Variants in UGT1A8 observed in about 807,000 individuals in gnomAD.
UGT1A8 encodes the protein UDP glucuronosyltransferase family 1 member A8.
In UGT1A8, 39 loss-of-function variants were observed where a neutral mutation model predicts 45.3. That is an observed-to-expected ratio of 0.86 (90% CI 0.67 to 1.12). UGT1A8 has a LOEUF of 1.12. Ranked by LOEUF, UGT1A8 falls within the 50% of genes most tolerant of loss-of-function variation. The pLI, the probability that UGT1A8 is intolerant of heterozygous loss-of-function variation, is 0.00. For synonymous variants in UGT1A8, 275 were observed against 249.2 expected (o/e 1.10, Z -0.97); for missense variants, 719 against 664.9 (o/e 1.08, Z -0.90).
rs181646977 is a variant in UGT1A8 at position 233,637,283 on chromosome 2, G to A, written c.855+18721G>A. 1.2e-5 allele frequency: 20 copies of A among 1,613,904 alleles called. No individual in the cohort carries two copies. The East Asian group carries it at 1.3e-4, about 11-fold the overall frequency. The stretch of plus-strand genomic sequence containing the variant: ...AGTCACACATCAATTTGGTTGTTGC[G>A]AACGGACTTTGTTTTGGACTATCCC... On this transcript the variant is annotated intron_variant, in intron 1 of 4. Coordinates refer to ENST00000373450, the MANE Select transcript of UGT1A8 (RefSeq NM_019076.5).
rs186169024 is a variant in UGT1A8 at position 233,637,343 on chromosome 2, G to A, written c.855+18781G>A. On this transcript the variant is annotated intron_variant, in intron 1 of 4. Coordinates refer to ENST00000373450, the MANE Select transcript of UGT1A8 (RefSeq NM_019076.5). ...ATGCCCAACATGATCTTCATTGGTGGTATCAACTGTCATCAGGGAAAGCCA... is the reference window on the plus strand; with the variant it reads ...ATGCCCAACATGATCTTCATTGGTGATATCAACTGTCATCAGGGAAAGCCA... 10 of 1,613,826 alleles carry A rather than the reference G, an allele frequency of 6.2e-6. No individual in the cohort carries two copies. In the African/African-American group the frequency reaches 1.1e-4, roughly 17 times the overall value.
chr2:233,636,402 T>C, intron 1 of UGT1A8: 1 of 1,442,272 alleles, frequency 6.9e-7, no homozygotes. Flanking sequence ...GATTTTTTTT[T>C]TTTTATGAAA....
chr2:233,698,322 C>G (rs913677756), intron 1 of UGT1A8, among the ~76,000 whole-genome samples: 4 of 152,104 alleles, frequency 2.6e-5, no homozygotes, highest in African/African-American at 9.7e-5. Flanking sequence ...ATGTCTGGAA[C>G]CAGATAGAGG....
chr2:233,706,195 T>A lies in UGT1A8; in HGVS notation c.856-60839T>A, dbSNP rs189206835. Among the ~76,000 whole-genome samples the A allele has an allele frequency of 5.9e-5, 9 of 152,294 alleles. No individual in the cohort carries two copies. The East Asian group carries it at 1.7e-3, about 29-fold the overall frequency. ...GTGGTGTGTCTGCCCAGGCTGCTCCTCCACAAAGCTGGCCCAGGCAGGGGC... is the reference window on the plus strand; with the variant it reads ...GTGGTGTGTCTGCCCAGGCTGCTCCACCACAAAGCTGGCCCAGGCAGGGGC... On this transcript the variant is annotated intron_variant, in intron 1 of 4. Transcript: ENST00000373450.
chr2:233,699,722 A>G (rs2075519528), intron 1 of UGT1A8, among the ~76,000 whole-genome samples: 1 of 152,204 alleles, frequency 6.6e-6, no homozygotes, highest in African/African-American at 2.4e-5. Flanking sequence ...AGCATTTTTT[A>G]CGGAGCGTTT....
intron 1 of UGT1A8, among the ~76,000 whole-genome samples, chr2:233,738,676 G>T (rs1690872856): frequency 6.6e-6 from 1 of 152,190 alleles, no homozygotes; most frequent in African/African-American, 2.4e-5. Flanking sequence ...GAGATGATCT[G>T]AAATTGGAAC....
At chr2:233,755,060 C>G (rs747080554) in intron 1 of UGT1A8, 1 of 1,334,970 alleles carries the variant, frequency 7.5e-7, no homozygotes, top group South Asian at 1.1e-5. Context: ...CCGCCCTCGC[C>G]TCGCCATAGC....
chr2:233,679,841 A>T (rs2074463720), intron 1 of UGT1A8, among the ~76,000 whole-genome samples: 1 of 152,136 alleles, frequency 6.6e-6, no homozygotes, highest in Non-Finnish European at 1.5e-5. Flanking sequence ...TTTTTCTCAA[A>T]TCACATTGGC....
chr2:233,726,690 G>A (rs766630788), intron 1 of UGT1A8, among the ~76,000 whole-genome samples: 3 of 152,094 alleles, frequency 2.0e-5, no homozygotes, highest in Admixed American at 6.5e-5. Context: ...CACCTGTAAC[G>A]GAACATATTC....
intron 1 of UGT1A8, among the ~76,000 whole-genome samples, chr2:233,733,240 C>T (rs912669842): frequency 1.8e-4 from 28 of 152,276 alleles, no homozygotes; most frequent in Admixed American, 1.5e-3. Flanking sequence ...AATATACAAT[C>T]ATGTCATCTG....
chr2:233,677,143 C>T (rs1435832466), intron 1 of UGT1A8, among the ~76,000 whole-genome samples: 1 of 152,142 alleles, frequency 6.6e-6, no homozygotes, highest in Non-Finnish European at 1.5e-5. Flanking sequence ...GGAGAAACAA[C>T]ATCTTAGCAA....
intron 1 of UGT1A8, among the ~76,000 whole-genome samples, chr2:233,652,014 G>C (rs148012177): frequency 0.022 from 3,359 of 152,214 alleles, 115 homozygotes; most frequent in African/African-American, 0.077. Flanking sequence ...AGGAATCACT[G>C]CCAGGCTTTT....
chr2:233,743,667 C>T lies in UGT1A8; in HGVS notation c.856-23367C>T, dbSNP rs201017854. 1.1e-4 allele frequency: 149 copies of T among 1,367,202 alleles called. 1 individual carries two copies. The highest frequency in any genetic ancestry group is 3.2e-4 in the East Asian group (7 of 21,982). The allele number at this position is 1,367,202 out of a possible 1,614,324, so 84.7% of individuals were successfully genotyped here. A position where few individuals can be genotyped will look rare whatever the true frequency, so the allele number is the denominator to read the frequency against. Reference sequence around the variant, plus strand: ...CTGAAGACGTACTCGAAGGGGTCCTCGAAGGGCCTGCCGCCTGTGCAGCCG... The same window carrying T: ...CTGAAGACGTACTCGAAGGGGTCCTTGAAGGGCCTGCCGCCTGTGCAGCCG... On this transcript the variant is annotated intron_variant, in intron 1 of 4. Coordinates refer to ENST00000373450, the MANE Select transcript of UGT1A8 (RefSeq NM_019076.5).
intron 1 of UGT1A8, among the ~76,000 whole-genome samples, chr2:233,686,553 A>T (rs577656065): frequency 6.6e-6 from 1 of 152,138 alleles, no homozygotes; most frequent in South Asian, 2.1e-4. Flanking sequence ...GGCTTTCTGA[A>T]ATCCCTGGTT....
intron 1 of UGT1A8, among the ~76,000 whole-genome samples, chr2:233,621,297 A>G (rs2073001691): frequency 6.6e-6 from 1 of 152,200 alleles, no homozygotes; most frequent in Non-Finnish European, 1.5e-5. Context: ...TAATGAGAAA[A>G]AGAGGAAGTC....
intron 1 of UGT1A8, among the ~76,000 whole-genome samples, chr2:233,695,736 T>G (rs2075304736): frequency 1.3e-5 from 2 of 152,212 alleles, no homozygotes; most frequent in African/African-American, 4.8e-5. Flanking sequence ...TTTATGTTGC[T>G]GCACATGACA....
At chr2:233,765,205 T>G (rs540441075) in intron 1 of UGT1A8, among the ~76,000 whole-genome samples, 9 of 152,292 alleles carry the variant, frequency 5.9e-5, no homozygotes, top group African/African-American at 2.2e-4. Flanking sequence ...ATTAGTGCCC[T>G]CAGTATTCTT....
At chr2:233,683,695 A>C (rs372435428) in intron 1 of UGT1A8, among the ~76,000 whole-genome samples, 1 of 152,010 alleles carries the variant, frequency 6.6e-6, no homozygotes, top group Admixed American at 6.6e-5. Flanking sequence ...TCTGCATTTC[A>C]TTATTTTTGA....
At chr2:233,699,323 T>A (rs557152275) in intron 1 of UGT1A8, among the ~76,000 whole-genome samples, 1 of 152,360 alleles carries the variant, frequency 6.6e-6, no homozygotes, top group East Asian at 1.9e-4. Flanking sequence ...GCTATTTTGT[T>A]GAGTTTCATC....
Sources: allele counts gnomAD v4.1 joint callset (sites outside exome capture counted in the v4.1 genomes callset), GRCh38; gene constraint gnomAD v4.1.1; transcripts MANE v1.5; gene names NCBI Gene and HGNC (gene_info 2026-07-23, HGNC 2026-07-21).